DNAH14: variants seen among roughly 807,000 people sequenced by gnomAD.
DNAH14 encodes dynein axonemal heavy chain 14.
A neutral mutation model predicts 520.9 loss-of-function variants in DNAH14; 478 were observed. The ratio of observed to expected loss-of-function variants is 0.92; its 90% CI spans 0.85 to 0.99. The LOEUF is 0.99. Among genes scored for constraint, DNAH14 ranks in the 50% least tolerant of loss-of-function variants. The pLI is 0.00. For missense variants in DNAH14, 4,831 were observed against 5,234.5 expected (o/e 0.92, Z 2.38); for synonymous variants, 1,581 against 1,757.2 (o/e 0.90, Z 2.51).
chr1:225,335,506 C>CGT lies in DNAH14; in HGVS notation c.10081-1760_10081-1759insGT, dbSNP rs1202146677. Among the ~76,000 whole-genome samples, 361 of 48,216 alleles carry CGT rather than the reference C, an allele frequency of 7.5e-3. 9 individuals are homozygous for CGT. The highest frequency in any genetic ancestry group is 9.1e-3 in the Non-Finnish European group (260 of 28,460). The allele number at this position is 48,216 out of a possible 152,430, so 31.6% of individuals were successfully genotyped here. A position where few individuals can be genotyped will look rare whatever the true frequency, so the allele number is the denominator to read the frequency against. On this transcript the variant is annotated intron_variant, in intron 66 of 85. Transcript: ENST00000682510. ...ACATATACACGTGTGTACATGTACA[C>CGT]ATATACATATGTACATATATACATA...
chr1:225,169,639 C>A (rs2082393698), intron 36 of DNAH14, among the ~76,000 whole-genome samples: 1 of 152,300 alleles, frequency 6.6e-6, no homozygotes, highest in Admixed American at 6.5e-5. Flanking sequence ...ACCAAATCTA[C>A]ATCTGATTGG....
In DNAH14 at chr1:225,060,895, C is replaced by CT. The variant is rs546403511; in HGVS notation, c.2424+9101dup. Among the ~76,000 whole-genome samples the CT allele has an allele frequency of 5.7e-3, 266 of 46,494 alleles. 41 individuals carry two copies. The highest frequency in any genetic ancestry group is 8.4e-3 in the African/African-American group (256 of 30,636). The allele number at this position is 46,494 out of a possible 152,430, so 30.5% of individuals were successfully genotyped here. On this transcript the variant is annotated intron_variant, in intron 17 of 85. Coordinates refer to ENST00000682510, the MANE Select transcript of DNAH14 (RefSeq NM_001367479.1). ...TGGAAGTTTTGTCTCAGAGGAGTACCTGGCCGTGTGAGGTGTCAGTCTGCC... is the reference window on the plus strand; with the variant it reads ...TGGAAGTTTTGTCTCAGAGGAGTACCTTGGCCGTGTGAGGTGTCAGTCTGCC...
chr1:225,159,547 A>C (rs751640718), intron 35 of DNAH14, 62 bp downstream of exon 35: 70 of 1,368,928 alleles, frequency 5.1e-5, no homozygotes, highest in Non-Finnish European at 6.4e-5. Context: ...TTAAGAAACT[A>C]GATGTGGATT....
At chr1:224,940,419 T>G (rs531403342) in intron 1 of DNAH14, among the ~76,000 whole-genome samples, 7 of 152,350 alleles carry the variant, frequency 4.6e-5, no homozygotes, top group African/African-American at 1.7e-4. Context: ...GGTGGTTATC[T>G]TTGGATACTG....
chr1:225,185,495 T>A lies in DNAH14; in HGVS notation c.5670+70T>A. ...TTATTTTACACTTTAATATTTTATG[T>A]TCTCTTTATATTGGTATTTTCATTA... On this transcript the variant is annotated intron_variant, in intron 37 of 85. Coordinates refer to ENST00000682510, the MANE Select transcript of DNAH14 (RefSeq NM_001367479.1). 3 of 1,401,590 alleles carry A rather than the reference T, an allele frequency of 2.1e-6. No individual in the cohort carries two copies. The East Asian group carries it at 8.2e-5, about 38-fold the overall frequency. The allele number at this position is 1,401,590 out of a possible 1,614,324, so 86.8% of individuals were successfully genotyped here.
intron 17 of DNAH14, among the ~76,000 whole-genome samples, chr1:225,052,748 T>A (rs1334692422): frequency 6.6e-6 from 1 of 152,162 alleles, no homozygotes; most frequent in African/African-American, 2.4e-5. Context: ...AAAGAAAGGT[T>A]AGAATATTGC....
chr1:225,176,238 T>A (rs34764920), intron 36 of DNAH14, among the ~76,000 whole-genome samples: 19,440 of 152,206 alleles, frequency 0.13, 1,398 homozygotes, highest in East Asian at 0.31. Context: ...ATTGTTTAAT[T>A]TCCACATATT....
At position 225,333,358 on chromosome 1, in the gene DNAH14, T is replaced by G; in HGVS notation, c.9932T>G (p.Leu3311Arg). Reference sequence around the variant, plus strand: ...GAAGGAATTTTGGGTGACATACTTCTTTCAGCAGCGTGCATTGTCTACAGT... The same window carrying G: ...GAAGGAATTTTGGGTGACATACTTCGTTCAGCAGCGTGCATTGTCTACAGT... Reference protein sequence around the residue: ...KLEGILGDILLSAACIVYSGI... With the variant: ...KLEGILGDILRSAACIVYSGI... The change falls in exon 66 of 86, where the codon CTT (leucine) becomes CGT (arginine). Residue 3311 changes from leucine to arginine, a missense_variant. By Grantham distance (102) the Leu-to-Arg change is moderately radical. Coordinates refer to ENST00000682510, the MANE Select transcript of DNAH14 (RefSeq NM_001367479.1). 1.3e-6 allele frequency: 2 copies of G among 1,551,826 alleles called. No homozygotes were observed. The highest frequency in any genetic ancestry group is 2.4e-5 in the South Asian group (2 of 84,052).
At chr1:225,090,271 G>GTGTT (rs1248837763) in intron 21 of DNAH14, among the ~76,000 whole-genome samples, 2 of 152,124 alleles carry the variant, frequency 1.3e-5, no homozygotes, top group Non-Finnish European at 2.9e-5. Context: ...AAGATACATT[G>GTGTT]TGTTCATCCA....
chr1:225,117,766 G>A lies in DNAH14; in HGVS notation c.3950G>A (p.Ser1317Asn). The change falls in exon 24 of 86, where the codon AGC becomes AAC. Residue 1317 changes from serine to asparagine, a missense_variant. By Grantham distance (46) the Ser-to-Asn change is conservative. Coordinates refer to ENST00000682510, the MANE Select transcript of DNAH14 (RefSeq NM_001367479.1). ...GAGCTTCTTGATATTCTAGCTGATA[G>A]CAGAAATCCTGAGTCTGTACAGGTA... ...NAELLDILAD[S>N]RNPESVQPHL... The A allele has an allele frequency of 6.4e-7, 1 of 1,550,664 alleles. No homozygotes were observed. The highest frequency in any genetic ancestry group is 1.2e-5 in the South Asian group (1 of 83,976).
chr1:225,164,405 G>A (rs149695621), intron 35 of DNAH14, among the ~76,000 whole-genome samples: 23 of 152,058 alleles, frequency 1.5e-4, no homozygotes, highest in African/African-American at 5.1e-4. Context: ...TGTTTGAACT[G>A]TCTATCTTAT....
At position 225,042,817 on chromosome 1, in the gene DNAH14, C is replaced by T. The variant is rs763222556; in HGVS notation, c.1489-18C>T. On this transcript the variant is annotated intron_variant, in intron 12 of 85. Transcript: ENST00000682510. ...TTATATGTTGTCACTGGCACCCTCA[C>T]ATTATCCGTTAAATTAGATTTTGAA... is the stretch of plus-strand genomic sequence containing the variant. 1 of 1,540,234 alleles carries T rather than the reference C, an allele frequency of 6.5e-7. No individual in the cohort carries two copies. The highest frequency in any genetic ancestry group is 1.2e-5 in the South Asian group (1 of 81,466).
Position 225,252,391 on chromosome 1 carries a change from C to A in DNAH14, c.6839C>A (p.Pro2280His). 1 of 1,536,136 alleles carries A rather than the reference C, an allele frequency of 6.5e-7. No individual in the cohort carries two copies. Among genetic ancestry groups the A allele is most frequent in the Non-Finnish European group, 8.8e-7 (1 of 1,134,190 alleles). The change falls in exon 44 of 86, where the codon CCT becomes CAT. Residue 2280 changes from proline to histidine, a missense_variant. Physicochemically the swap from Pro to His is moderately conservative, Grantham distance 77 (BLOSUM62 -2). Coordinates refer to ENST00000682510, the MANE Select transcript of DNAH14 (RefSeq NM_001367479.1). ...CEFIPWSDLV[P>H]NDQTLIQRGT... ...TTCATACCTTGGTCAGATTTAGTTCCTAATGATCAGACACTAATTCAAAGA... is the reference window on the plus strand; with the variant it reads ...TTCATACCTTGGTCAGATTTAGTTCATAATGATCAGACACTAATTCAAAGA...
intron 38 of DNAH14, among the ~76,000 whole-genome samples, chr1:225,194,902 A>T (rs1321504267): frequency 6.6e-6 from 1 of 152,194 alleles, no homozygotes; most frequent in African/African-American, 2.4e-5. Flanking sequence ...GCCAATAACC[A>T]TATGAAAAAA....
intron 43 of DNAH14, among the ~76,000 whole-genome samples, chr1:225,242,892 T>A (rs1038512593): frequency 6.6e-6 from 1 of 152,212 alleles, no homozygotes; most frequent in Non-Finnish European, 1.5e-5. Context: ...TGATAGGAAT[T>A]TTTCAGCTCC....
chr1:225,198,495 G>A (rs978152227), intron 38 of DNAH14, among the ~76,000 whole-genome samples: 60 of 152,230 alleles, frequency 3.9e-4, no homozygotes, highest in African/African-American at 1.4e-3. Context: ...GGGATTACAG[G>A]CATGAGCCAC....
chr1:225,080,827 G>T, intron 19 of DNAH14, 79 bp downstream of exon 19: 1 of 1,404,862 alleles, frequency 7.1e-7, no homozygotes, highest in Non-Finnish European at 9.4e-7. Flanking sequence ...ATTGTCCTTG[G>T]CTTGTTTCTT....
At chr1:225,282,045 T>C (rs1312085409) in intron 54 of DNAH14, among the ~76,000 whole-genome samples, 1 of 152,208 alleles carries the variant, frequency 6.6e-6, no homozygotes, top group Non-Finnish European at 1.5e-5. Flanking sequence ...TTTAACAATG[T>C]ACACATATAT....
intron 1 of DNAH14, among the ~76,000 whole-genome samples, chr1:224,934,251 T>C (rs2058883580): frequency 6.6e-6 from 1 of 151,986 alleles, no homozygotes; most frequent in Non-Finnish European, 1.5e-5. Context: ...CTCAGTGACA[T>C]ACAAGAGGAT....
Sources: allele counts gnomAD v4.1 joint callset (sites outside exome capture counted in the v4.1 genomes callset), GRCh38; gene constraint gnomAD v4.1.1; transcripts MANE v1.5; gene names NCBI Gene and HGNC (gene_info 2026-07-23, HGNC 2026-07-21).